Variants in EPM2A observed in about 807,000 individuals in gnomAD.
The protein encoded by EPM2A is laforin.
In EPM2A, 21 loss-of-function variants were observed where a neutral mutation model predicts 26.5. The ratio of observed to expected loss-of-function variants is 0.79; its 90% CI spans 0.56 to 1.14. EPM2A has a LOEUF of 1.14. EPM2A is among the 50% of genes most tolerant of loss of function. The pLI, the probability that EPM2A is intolerant of heterozygous loss-of-function variation, is 0.00. For missense variants in EPM2A, 458 were observed against 440.8 expected (o/e 1.04, Z -0.35); for synonymous variants, 217 against 177.6 (o/e 1.22, Z -1.76).
intron 2 of EPM2A, among the ~76,000 whole-genome samples, chr6:145,527,950 A>G (rs1176229062): frequency 1.3e-5 from 2 of 152,132 alleles, no homozygotes; most frequent in Non-Finnish European, 2.9e-5. Context: ...CAAATAACAA[A>G]AAAAAAAGTG....
intron 1 of EPM2A, chr6:145,687,040 T>C (rs1780971430): frequency 6.6e-6 from 1 of 152,258 alleles, no homozygotes; most frequent in South Asian, 2.1e-4. Context: ...AAAAATATTA[T>C]TTGCCTATTT....
intron 1 of EPM2A, chr6:145,734,995 G>C (rs926452048): frequency 1.4e-5 from 5 of 359,500 alleles, no homozygotes; most frequent in Non-Finnish European, 2.5e-5. Flanking sequence ...TCAGTAGGAA[G>C]CCGGAGGCGC....
intron 4 of EPM2A, among the ~76,000 whole-genome samples, chr6:145,403,665 G>T (rs1232317076): frequency 6.6e-6 from 1 of 152,082 alleles, no homozygotes; most frequent in East Asian, 1.9e-4. Flanking sequence ...CTGTTCATCT[G>T]TTGATGGGCA....
At chr6:145,718,080 G>C (rs1457949569) in intron 1 of EPM2A, among the ~76,000 whole-genome samples, 1 of 151,768 alleles carries the variant, frequency 6.6e-6, no homozygotes, top group African/African-American at 2.4e-5. Context: ...TCCCCATCAG[G>C]CTACCAATGA....
At chr6:145,680,544 C>T (rs1234477030) in intron 2 of EPM2A, among the ~76,000 whole-genome samples, 3 of 148,784 alleles carry the variant, frequency 2.0e-5, no homozygotes, top group Admixed American at 6.7e-5. Flanking sequence ...CTCCCCACTC[C>T]CCCCACCCCA....
intron 4 of EPM2A, among the ~76,000 whole-genome samples, chr6:145,407,213 C>T (rs2114671970): frequency 6.6e-6 from 1 of 152,156 alleles, no homozygotes; most frequent in East Asian, 1.9e-4. Flanking sequence ...AAACCATGTC[C>T]ATATATATGG....
upstream of EPM2A, chr6:145,735,802 A>T (rs572024090): frequency 6.8e-5 from 14 of 205,746 alleles, no homozygotes; most frequent in Non-Finnish European, 1.1e-4. Flanking sequence ...TGGAAGAGAA[A>T]ACGGGGTTCG....
chr6:145,596,751 C>T (rs1460643194), intron 2 of EPM2A, among the ~76,000 whole-genome samples: 2 of 152,124 alleles, frequency 1.3e-5, no homozygotes, highest in Non-Finnish European at 2.9e-5. Context: ...TATATCCACA[C>T]CCTTCGTGGG....
chr6:145,625,191 A>G (rs1406158188), downstream of EPM2A: 1 of 153,096 alleles, frequency 6.5e-6, no homozygotes, highest in Non-Finnish European at 1.5e-5. Context: ...GAGTGACAAG[A>G]AAAATAAACA....
At chr6:145,413,347 G>T (rs985371683) in intron 4 of EPM2A, among the ~76,000 whole-genome samples, 3 of 152,118 alleles carry the variant, frequency 2.0e-5, no homozygotes, top group African/African-American at 7.2e-5. Flanking sequence ...AAAGGTTTAT[G>T]ACAACTTTAT....
intron 4 of EPM2A, among the ~76,000 whole-genome samples, chr6:145,414,125 A>G (rs1778677898): frequency 6.6e-6 from 1 of 152,122 alleles, no homozygotes; most frequent in African/African-American, 2.4e-5. Flanking sequence ...GCAGGATGGA[A>G]GTACTCCAGA....
intron 4 of EPM2A, among the ~76,000 whole-genome samples, chr6:145,429,517 T>TA (rs1369080948): frequency 2.0e-5 from 3 of 151,344 alleles, no homozygotes; most frequent in Non-Finnish European, 4.4e-5. Flanking sequence ...TGATAAACCT[T>TA]AGAAAAAAAT....
At chr6:145,696,994 C>T (rs1209135733) in intron 1 of EPM2A, among the ~76,000 whole-genome samples, 1 of 152,118 alleles carries the variant, frequency 6.6e-6, no homozygotes, top group Non-Finnish European at 1.5e-5. Flanking sequence ...AAGACAATTA[C>T]TGCACAGAAT....
intron 2 of EPM2A, among the ~76,000 whole-genome samples, chr6:145,531,645 C>T (rs1005969892): frequency 6.6e-6 from 1 of 152,102 alleles, no homozygotes; most frequent in African/African-American, 2.4e-5. Flanking sequence ...TGCATCACAC[C>T]ATACTATGGC....
intron 2 of EPM2A, among the ~76,000 whole-genome samples, chr6:145,513,470 C>T (rs1780083526): frequency 6.6e-6 from 1 of 152,148 alleles, no homozygotes; most frequent in Non-Finnish European, 1.5e-5. Flanking sequence ...TTAGTTCAAC[C>T]TCTATGGAAA....
chr6:145,565,369 GT>G (rs1481759697), intron 2 of EPM2A, among the ~76,000 whole-genome samples: 1 of 152,172 alleles, frequency 6.6e-6, no homozygotes, highest in East Asian at 1.9e-4. Flanking sequence ...CCGTGCAGCT[GT>G]ATCTTCACCT....
At chr6:145,397,339 G>T (rs1407587106) in intron 4 of EPM2A, among the ~76,000 whole-genome samples, 2 of 152,286 alleles carry the variant, frequency 1.3e-5, no homozygotes, top group Admixed American at 6.5e-5. Flanking sequence ...TACTTGGGAG[G>T]TAGAGGCAGG....
intron 1 of EPM2A, among the ~76,000 whole-genome samples, chr6:145,698,598 A>C (rs1403342636): frequency 7.3e-6 from 1 of 137,522 alleles, no homozygotes; most frequent in Non-Finnish European, 1.6e-5. Flanking sequence ...GTTAATTTGA[A>C]GAAACATAAT....
intron 2 of EPM2A, among the ~76,000 whole-genome samples, chr6:145,550,147 T>C (rs914239413): frequency 6.6e-6 from 1 of 152,032 alleles, no homozygotes; most frequent in African/African-American, 2.4e-5. Flanking sequence ...GAACAGCAAA[T>C]GCAGGGAGAG....
Sources: allele counts gnomAD v4.1 joint callset (sites outside exome capture counted in the v4.1 genomes callset), GRCh38; gene constraint gnomAD v4.1.1; transcripts MANE v1.5; gene names NCBI Gene and HGNC (gene_info 2026-07-23, HGNC 2026-07-21).